CHN2: variants seen among roughly 807,000 people sequenced by gnomAD.
CHN2 encodes the protein chimerin 2, also known as beta-chimaerin.
Under a neutral mutation model 56.3 loss-of-function variants are expected in CHN2, and 35 were observed. The ratio of observed to expected loss-of-function variants is 0.62; its 90% CI spans 0.47 to 0.82. The LOEUF (loss-of-function observed/expected upper bound fraction) is 0.82, where lower values mean the gene tolerates loss of function less well. Ranked by LOEUF, CHN2 falls within the 40% of genes least tolerant of loss-of-function variation. The pLI is 0.00. For synonymous variants in CHN2, 210 were observed against 212.8 expected (o/e 0.99, Z 0.12); for missense variants, 491 against 580.5 (o/e 0.85, Z 1.58).
At chr7:29,500,103 G>C (rs2287042) in intron 9 of CHN2, 63 bp downstream of exon 9, 94,237 of 1,302,122 alleles carry the variant, frequency 0.072, 9,446 homozygotes, top group African/African-American at 0.44. Flanking sequence ...TGTTTTTACT[G>C]TTGTCAAGGA....
At chr7:29,445,828 T>G (rs896751372) in intron 6 of CHN2, among the ~76,000 whole-genome samples, 7 of 152,090 alleles carry the variant, frequency 4.6e-5, no homozygotes, top group African/African-American at 1.7e-4. Flanking sequence ...ATCAAATGGG[T>G]GAGATCAGAT....
chr7:29,349,931 C>T (rs1458416474), intron 1 of CHN2, among the ~76,000 whole-genome samples: 2 of 152,122 alleles, frequency 1.3e-5, no homozygotes, highest in African/African-American at 4.8e-5. Flanking sequence ...ATTTCCAGTA[C>T]CTTGTATCTC....
intron 1 of CHN2, among the ~76,000 whole-genome samples, chr7:29,225,841 A>G (rs1196697928): frequency 1.3e-5 from 2 of 152,174 alleles, no homozygotes; most frequent in Non-Finnish European, 2.9e-5. Flanking sequence ...GTCACTGAGC[A>G]TTACTGTAGT....
intron 1 of CHN2, among the ~76,000 whole-genome samples, chr7:29,326,048 G>A (rs111234413): frequency 2.6e-5 from 4 of 152,214 alleles, no homozygotes; most frequent in Middle Eastern, 3.4e-3. Flanking sequence ...ATCTTATCCC[G>A]TCTTTACCAC....
chr7:29,345,008 A>G (rs1001105232), intron 1 of CHN2, among the ~76,000 whole-genome samples: 1 of 152,208 alleles, frequency 6.6e-6, no homozygotes, highest in Non-Finnish European at 1.5e-5. Context: ...GTCCTGGGAT[A>G]CAGCAGTCAT....
chr7:29,197,458 G>A (rs1189664191), intron 1 of CHN2, among the ~76,000 whole-genome samples: 1 of 152,198 alleles, frequency 6.6e-6, no homozygotes, highest in Non-Finnish European at 1.5e-5. Flanking sequence ...TTGGTAGAGT[G>A]TCTTGGGGAT....
At chr7:29,257,356 C>A (rs13234061) in intron 1 of CHN2, among the ~76,000 whole-genome samples, 465 of 152,290 alleles carry the variant, frequency 3.1e-3, no homozygotes, top group African/African-American at 6.5e-3. Context: ...ATTAAAAAAA[C>A]CAAGCCCAGG....
chr7:29,336,480 A>C (rs1796624144), intron 1 of CHN2, among the ~76,000 whole-genome samples: 1 of 152,076 alleles, frequency 6.6e-6, no homozygotes, highest in Non-Finnish European at 1.5e-5. Flanking sequence ...GTGTGGTAGC[A>C]TGCATTTGTA....
chr7:29,451,877 A>G (rs957293975), intron 6 of CHN2, among the ~76,000 whole-genome samples: 1 of 152,148 alleles, frequency 6.6e-6, no homozygotes, highest in Non-Finnish European at 1.5e-5. Flanking sequence ...GTAGCCACTG[A>G]TGTGACATCT....
intron 7 of CHN2, among the ~76,000 whole-genome samples, chr7:29,486,139 C>T (rs1787961246): frequency 6.6e-6 from 1 of 152,134 alleles, no homozygotes; most frequent in Non-Finnish European, 1.5e-5. Context: ...GAGGGAAACT[C>T]CCGATGGGAG....
At chr7:29,170,099 T>G (rs1251909578) in intron 2 of CHN2, among the ~76,000 whole-genome samples, 1 of 151,988 alleles carries the variant, frequency 6.6e-6, no homozygotes, top group Non-Finnish European at 1.5e-5. Flanking sequence ...CTCCCAGACT[T>G]CTAGCAGAAG....
intron 1 of CHN2, among the ~76,000 whole-genome samples, chr7:29,270,964 A>G (rs530657815): frequency 2.6e-5 from 4 of 152,186 alleles, no homozygotes; most frequent in Admixed American, 6.5e-5. Flanking sequence ...TAATTAATTA[A>G]TGGGCTTTTG....
chr7:29,251,818 A>G (rs1332987121), intron 1 of CHN2, among the ~76,000 whole-genome samples: 1 of 152,242 alleles, frequency 6.6e-6, no homozygotes, highest in South Asian at 2.1e-4. Flanking sequence ...TATTCATCAC[A>G]AAAATAGAAC....
rs910157063 is a variant in CHN2, at chr7:29,509,401, C to T, written c.1230C>T (p.Leu410=). The part of the protein sequence containing the change: ...YETLRYLMIH[L]KKVTMNEKDN... Reference sequence around the variant, plus strand: ...CCCTCCGGTACCTAATGATCCACCTCAAAAAGTAAGCTCATGTCTCGTGCA... The same window carrying T: ...CCCTCCGGTACCTAATGATCCACCTTAAAAAGTAAGCTCATGTCTCGTGCA... The change falls in exon 12 of 13, where the codon CTC becomes CTT. Residue 410 remains leucine, a synonymous_variant. Coordinates refer to ENST00000222792, the MANE Select transcript of CHN2 (RefSeq NM_004067.4). 15 of 1,612,972 alleles carry T rather than the reference C, an allele frequency of 9.3e-6. No homozygotes were observed. Among genetic ancestry groups the T allele is most frequent in the Non-Finnish European group, 1.3e-5 (15 of 1,179,046 alleles).
intron 3 of CHN2, among the ~76,000 whole-genome samples, chr7:29,370,423 T>C (rs552905397): frequency 1.4e-4 from 22 of 152,298 alleles, no homozygotes; most frequent in African/African-American, 5.3e-4. Flanking sequence ...AAAGGCTGTT[T>C]ATTTTAAACA....
intron 1 of CHN2, among the ~76,000 whole-genome samples, chr7:29,301,356 C>T (rs1585004113): frequency 6.8e-6 from 1 of 147,000 alleles, no homozygotes; most frequent in African/African-American, 2.5e-5. Context: ...CACACACACA[C>T]ACACACACAC....
intron 1 of CHN2, among the ~76,000 whole-genome samples, chr7:29,218,075 G>GA (rs1270658479): frequency 6.6e-6 from 1 of 151,366 alleles, no homozygotes; most frequent in Non-Finnish European, 1.5e-5. Context: ...TTACATTTAA[G>GA]AAAAAAAAGA....
At chr7:29,221,055 G>T (rs185866132) in intron 1 of CHN2, among the ~76,000 whole-genome samples, 4 of 152,204 alleles carry the variant, frequency 2.6e-5, no homozygotes, top group Admixed American at 2.0e-4. Flanking sequence ...ATTTGATTCC[G>T]CACTTGGTTA....
chr7:29,372,296 G>C (rs1327587130), intron 3 of CHN2, among the ~76,000 whole-genome samples: 3 of 151,952 alleles, frequency 2.0e-5, no homozygotes, highest in Admixed American at 6.6e-5. Flanking sequence ...TCAGACCCAG[G>C]TTCTCTGCAC....
Sources: allele counts gnomAD v4.1 joint callset (sites outside exome capture counted in the v4.1 genomes callset), GRCh38; gene constraint gnomAD v4.1.1; transcripts MANE v1.5; gene names NCBI Gene and HGNC (gene_info 2026-07-23, HGNC 2026-07-21).